Variants in GABRB1 observed in about 807,000 individuals in gnomAD.
GABRB1 encodes the protein gamma-aminobutyric acid receptor subunit beta-1.
In GABRB1, 17 loss-of-function variants were observed where a neutral mutation model predicts 51.6. That is an observed-to-expected ratio of 0.33 (90% CI 0.23 to 0.49). The LOEUF is 0.49. Among genes scored for constraint, GABRB1 ranks in the 20% least tolerant of loss-of-function variants. The probability of loss-of-function intolerance (pLI) is 0.99; values close to 1 mark genes in which losing one functional copy is unlikely to be tolerated. For synonymous variants in GABRB1, 247 were observed against 218.9 expected (o/e 1.13, Z -1.14); for missense variants, 410 against 600.6 (o/e 0.68, Z 3.32).
At chr4:47,349,815 A>G (rs1726242733) in intron 5 of GABRB1, among the ~76,000 whole-genome samples, 2 of 152,246 alleles carry the variant, frequency 1.3e-5, no homozygotes, top group African/African-American at 2.4e-5. Context: ...GAAAGAGCAT[A>G]GATTTTGATT....
chr4:47,425,954 G>A lies in GABRB1; in HGVS notation c.1361G>A (p.Arg454Gln), dbSNP rs1228122921. The A allele has an allele frequency of 1.2e-6, 2 of 1,612,866 alleles. No homozygotes were observed. Among genetic ancestry groups the A allele is most frequent in the South Asian group, 1.1e-5 (1 of 90,910 alleles). The stretch of plus-strand genomic sequence containing the variant: ...GTGAATTCCATAGACAAGTGGTCCC[G>A]AATGTTTTTCCCCATCACCTTTTCT... ...TDVNSIDKWS[R>Q]MFFPITFSLF... Residue 454 changes from arginine to glutamine, a missense_variant, in exon 9 of 9, where the codon CGA becomes CAA. This residue lies in a region of GABRB1 where 181 missense variants were observed against 195.6 expected (regional missense o/e 0.93). Coordinates refer to ENST00000295454, the MANE Select transcript of GABRB1 (RefSeq NM_000812.4).
chr4:47,071,373 C>G (rs1183541569), intron 3 of GABRB1, among the ~76,000 whole-genome samples: 1 of 152,158 alleles, frequency 6.6e-6, no homozygotes, highest in Non-Finnish European at 1.5e-5. Context: ...GACTTCCTTT[C>G]TTACTCAAAA....
rs574817470 is a variant in GABRB1 at position 47,144,289 on chromosome 4, G to A, written c.241-16960G>A. On this transcript the variant is annotated intron_variant, in intron 3 of 8. Transcript: ENST00000295454. The stretch of plus-strand genomic sequence containing the variant: ...TACCACAAAGTGTCTTAAAACAAGA[G>A]AAATTTATTCCCTCTGAGTTTTGGA... 1.6e-4 allele frequency among the ~76,000 whole-genome samples: 25 copies of A among 152,074 alleles called. No homozygotes were observed. In the South Asian group the frequency reaches 4.8e-3, roughly 29 times the overall value.
At chr4:47,138,493 T>A (rs770395151) in intron 3 of GABRB1, among the ~76,000 whole-genome samples, 15 of 152,062 alleles carry the variant, frequency 9.9e-5, no homozygotes, top group Admixed American at 2.6e-4. Flanking sequence ...CTGACCAATC[T>A]GAATTTTTTA....
rs543648204 is a variant in GABRB1, at chr4:47,185,928, C to T, written c.461+24459C>T. On this transcript the variant is annotated intron_variant, in intron 4 of 8. Transcript: ENST00000295454. ...CAACAGATTGCTGCTCTCTTTGGAA[C>T]ATGGTCCTTCTGTTCATCTGTCTCA... Among the ~76,000 whole-genome samples the T allele has an allele frequency of 2.0e-5, 3 of 151,912 alleles. No individual in the cohort carries two copies. In the South Asian group the frequency reaches 6.2e-4, roughly 32 times the overall value.
intron 3 of GABRB1, among the ~76,000 whole-genome samples, chr4:47,041,610 T>A (rs1725840207): frequency 6.6e-6 from 1 of 152,134 alleles, no homozygotes; most frequent in African/African-American, 2.4e-5. Flanking sequence ...ATTTGGTATC[T>A]TCCCTGAAAA....
At chr4:47,042,429 TATATATATATAA>T (rs1725892293) in intron 3 of GABRB1, among the ~76,000 whole-genome samples, 1 of 141,006 alleles carries the variant, frequency 7.1e-6, no homozygotes, top group African/African-American at 2.5e-5. Context: ...TATATATATA[TATATATATATAA>T]AATACGTGTG....
intron 3 of GABRB1, among the ~76,000 whole-genome samples, chr4:47,070,607 C>T (rs147021784): frequency 0.015 from 2,210 of 152,298 alleles, 45 homozygotes; most frequent in African/African-American, 0.051. Flanking sequence ...GCTGGGATTA[C>T]AGCCATGAGC....
At chr4:47,195,379 AGATAGATAGATAGAT>A (rs986621909) in intron 4 of GABRB1, among the ~76,000 whole-genome samples, 1 of 46,682 alleles carries the variant, frequency 2.1e-5, no homozygotes, top group African/African-American at 5.9e-5. Context: ...ATAAATAAAT[AGATAGATAGATAGAT>A]GATAGATAGA....
At chr4:47,284,860 GAA>G (rs1049100917) in intron 4 of GABRB1, among the ~76,000 whole-genome samples, 2 of 152,032 alleles carry the variant, frequency 1.3e-5, no homozygotes, top group African/African-American at 4.8e-5. Context: ...CTATAATGAA[GAA>G]AAGAGATAGT....
At chr4:47,084,507 C>G (rs142722545) in intron 3 of GABRB1, among the ~76,000 whole-genome samples, 4 of 152,314 alleles carry the variant, frequency 2.6e-5, no homozygotes, top group African/African-American at 7.2e-5. Flanking sequence ...CTTTGTGTAT[C>G]TAGAAGTCTG....
At chr4:47,273,615 A>G (rs1328876206) in intron 4 of GABRB1, among the ~76,000 whole-genome samples, 5 of 152,106 alleles carry the variant, frequency 3.3e-5, no homozygotes, top group Non-Finnish European at 7.4e-5. Context: ...TAGGCTGGTC[A>G]TGGGCTGTAC....
intron 4 of GABRB1, among the ~76,000 whole-genome samples, chr4:47,228,848 G>T (rs1721042760): frequency 6.6e-6 from 1 of 152,124 alleles, no homozygotes. Context: ...TAACTGAAGA[G>T]CAATTAATGG....
Position 47,075,827 on chromosome 4 carries a change from C to A in GABRB1, c.240+43343C>A, listed in dbSNP as rs551992018. Among the ~76,000 whole-genome samples, 275 of 152,236 alleles carry A rather than the reference C, an allele frequency of 1.8e-3. 4 individuals carry two copies. Among genetic ancestry groups the A allele is most frequent in the African/African-American group, 6.5e-3 (270 of 41,556 alleles). On this transcript the variant is annotated intron_variant, in intron 3 of 8. Transcript: ENST00000295454. ...TTTAAGGATATCGAGATTAGGAGTT[C>A]TAAGGGTTTAATTGCTATCTCCTTT...
At chr4:47,163,963 G>A (rs1386122817) in intron 4 of GABRB1, among the ~76,000 whole-genome samples, 6 of 152,020 alleles carry the variant, frequency 3.9e-5, no homozygotes, top group Admixed American at 1.3e-4. Flanking sequence ...GGCTGGGGAG[G>A]TGTCAGGAAA....
At chr4:47,054,966 T>C (rs1726524826) in intron 3 of GABRB1, among the ~76,000 whole-genome samples, 1 of 152,196 alleles carries the variant, frequency 6.6e-6, no homozygotes, top group South Asian at 2.1e-4. Flanking sequence ...TAGTTATTTT[T>C]AAAACTCCTA....
chr4:47,186,118 G>C (rs1268478893), intron 4 of GABRB1, among the ~76,000 whole-genome samples: 1 of 150,512 alleles, frequency 6.6e-6, no homozygotes, highest in Non-Finnish European at 1.5e-5. Context: ...ATATTGCGCT[G>C]ACACTGAGCA....
At chr4:47,361,898 G>C (rs983966687) in intron 5 of GABRB1, among the ~76,000 whole-genome samples, 1 of 152,106 alleles carries the variant, frequency 6.6e-6, no homozygotes, top group African/African-American at 2.4e-5. Context: ...CTATGGACCT[G>C]GATCTCAGAG....
At chr4:47,009,039 AT>A (rs1724506264) in intron 1 of GABRB1, among the ~76,000 whole-genome samples, 1 of 143,108 alleles carries the variant, frequency 7.0e-6, no homozygotes. Context: ...AATTTTTTGT[AT>A]TTTTTAGTAG....
Sources: allele counts gnomAD v4.1 joint callset (sites outside exome capture counted in the v4.1 genomes callset), GRCh38; gene constraint gnomAD v4.1.1; regional missense constraint gnomAD v4.1.1; transcripts MANE v1.5; gene names NCBI Gene and HGNC (gene_info 2026-07-23, HGNC 2026-07-21).